ZNF891: variants seen among roughly 807,000 people sequenced by gnomAD.
ZNF891 encodes hCG1646157.
For missense variants in ZNF891, 589 were observed against 632.7 expected (o/e 0.93, Z 0.74); for synonymous variants, 199 against 209.0 (o/e 0.95, Z 0.41).
chr12:133,114,996 T>C lies in ZNF891; in HGVS notation c.*5288A>G, dbSNP rs902936332. The C allele has an allele frequency of 3.9e-5, 6 of 152,212 alleles. No homozygotes were observed. The highest frequency in any genetic ancestry group is 7.3e-5 in the Non-Finnish European group (5 of 68,044). 9.4% of individuals were successfully genotyped at this position (152,212 alleles called of 1,614,324 possible). A position where few individuals can be genotyped will look rare whatever the true frequency, so the allele number is the denominator to read the frequency against. ...GATTGCAGTATTGTTATAAAAACTC[T>C]GGAGGCAAATGGATCAAATACATTA... On this transcript the variant is annotated 3_prime_UTR_variant, in exon 2 of 2. Transcript: ENST00000537226.
In ZNF891 at chr12:133,117,347, T is replaced by A. The variant is rs1043265777; in HGVS notation, c.*2937A>T. ...AGATCTATTCATAAAGAATAAAAAA[T>A]ATATATATTTGGTTAGTAATTAGCA... On this transcript the variant is annotated 3_prime_UTR_variant, in exon 2 of 2. Transcript: ENST00000537226. 2 of 152,202 alleles carry A rather than the reference T, an allele frequency of 1.3e-5. No individual in the cohort carries two copies. The highest frequency in any genetic ancestry group is 6.5e-5 in the Admixed American group (1 of 15,282). The allele number at this position is 152,202 out of a possible 1,614,324, so 9.4% of individuals were successfully genotyped here. A position where few individuals can be genotyped will look rare whatever the true frequency, so the allele number is the denominator to read the frequency against.
At chr12:133,126,259 T>C (rs1001349261) in intron 1 of ZNF891, among the ~76,000 whole-genome samples, 1 of 151,904 alleles carries the variant, frequency 6.6e-6, no homozygotes, top group Non-Finnish European at 1.5e-5. Flanking sequence ...GGGTGGATCA[T>C]GAGGTCAGGA....
intron 1 of ZNF891, among the ~76,000 whole-genome samples, chr12:133,126,496 AT>A (rs1555298093): frequency 2.1e-5 from 3 of 145,572 alleles, no homozygotes; most frequent in Non-Finnish European, 4.5e-5. Context: ...AAAAAAAAAG[AT>A]AAACTTAAGG....
In ZNF891 at chr12:133,109,122, A is replaced by G. The variant is rs2137606532; in HGVS notation, c.*11162T>C. On this transcript the variant is annotated 3_prime_UTR_variant, in exon 2 of 2. Transcript: ENST00000537226. ...CTCTGCTTTAGAGGGAGATGTAACTATCAATGAATTATTATGTTCATTTTT... is the reference window on the plus strand; with the variant it reads ...CTCTGCTTTAGAGGGAGATGTAACTGTCAATGAATTATTATGTTCATTTTT... The G allele has an allele frequency of 6.6e-6, 1 of 152,362 alleles. No homozygotes were observed. The highest frequency in any genetic ancestry group is 1.9e-4 in the East Asian group (1 of 5,180). The allele number at this position is 152,362 out of a possible 1,614,324, so 9.4% of individuals were successfully genotyped here. A position where few individuals can be genotyped will look rare whatever the true frequency, so the allele number is the denominator to read the frequency against.
chr12:133,124,805 A>T (rs1955799226), intron 1 of ZNF891, among the ~76,000 whole-genome samples: 1 of 149,094 alleles, frequency 6.7e-6, no homozygotes, highest in South Asian at 2.2e-4. Flanking sequence ...TTGTTGTTTT[A>T]TATGGGTGTT....
In ZNF891 at chr12:133,108,953, A is replaced by G. The variant is rs1955660389; in HGVS notation, c.*11331T>C. 6.6e-6 allele frequency: 1 copy of G among 152,184 alleles called. No homozygotes were observed. The highest frequency in any genetic ancestry group is 6.5e-5 in the Admixed American group (1 of 15,280). The allele number at this position is 152,184 out of a possible 1,614,324, so 9.4% of individuals were successfully genotyped here. A position where few individuals can be genotyped will look rare whatever the true frequency, so the allele number is the denominator to read the frequency against. On this transcript the variant is annotated 3_prime_UTR_variant, in exon 2 of 2. Transcript: ENST00000537226. ...CATACTGGATGGAATCCAGTGTCCAATCTTTTGGCATCCCTGGGCCACATT... is the reference window on the plus strand; with the variant it reads ...CATACTGGATGGAATCCAGTGTCCAGTCTTTTGGCATCCCTGGGCCACATT...
rs1955863004 is a variant in ZNF891 at position 133,130,253 on chromosome 12, T to C, written c.-133A>G. The C allele has an allele frequency of 1.3e-5, 2 of 152,398 alleles. No individual in the cohort carries two copies. The highest frequency in any genetic ancestry group is 6.5e-5 in the Admixed American group (1 of 15,288). The allele number at this position is 152,398 out of a possible 1,614,324, so 9.4% of individuals were successfully genotyped here. A position where few individuals can be genotyped will look rare whatever the true frequency, so the allele number is the denominator to read the frequency against. On this transcript the variant is annotated 5_prime_UTR_variant, in exon 1 of 2. Transcript: ENST00000537226. Reference sequence around the variant, plus strand: ...CGTCCTCAGTGCCTGCCTCCAGGCGTCCGCGGTCCCGCCCGAGGGGGACGC... The same window carrying C: ...CGTCCTCAGTGCCTGCCTCCAGGCGCCCGCGGTCCCGCCCGAGGGGGACGC...
Position 133,121,999 on chromosome 12 carries a change from G to C in ZNF891, c.-81C>G. On this transcript the variant is annotated 5_prime_UTR_variant, in exon 2 of 2. Coordinates refer to ENST00000537226, the MANE Select transcript of ZNF891 (RefSeq NM_001277291.2). The stretch of plus-strand genomic sequence containing the variant: ...TTGTGTCTCCAATCCAGTCACAGGA[G>C]GGATGCATTTCACCCGAAGTTCTCC... 7.1e-7 allele frequency: 1 copy of C among 1,408,494 alleles called. No individual in the cohort carries two copies. Among genetic ancestry groups the C allele is most frequent in the Non-Finnish European group, 9.2e-7 (1 of 1,084,056 alleles). The allele number at this position is 1,408,494 out of a possible 1,614,324, so 87.2% of individuals were successfully genotyped here.
Position 133,110,712 on chromosome 12 carries a change from G to C in ZNF891, c.*9572C>G, listed in dbSNP as rs947715854. 6.6e-6 allele frequency: 1 copy of C among 152,262 alleles called. No homozygotes were observed. The highest frequency in any genetic ancestry group is 2.1e-4 in the South Asian group (1 of 4,830). 9.4% of individuals were successfully genotyped at this position (152,262 alleles called of 1,614,324 possible). A position where few individuals can be genotyped will look rare whatever the true frequency, so the allele number is the denominator to read the frequency against. Reference sequence around the variant, plus strand: ...ATCCCAGCATGATCCCAGCATGGGAGGCTGAGGCAGGCAGATCACTTGAGG... The same window carrying C: ...ATCCCAGCATGATCCCAGCATGGGACGCTGAGGCAGGCAGATCACTTGAGG... On this transcript the variant is annotated 3_prime_UTR_variant, in exon 2 of 2. Coordinates refer to ENST00000537226, the MANE Select transcript of ZNF891 (RefSeq NM_001277291.2).
In ZNF891 at chr12:133,106,512, C is replaced by T. The variant is rs777125253; in HGVS notation, c.*13772G>A. On this transcript the variant is annotated 3_prime_UTR_variant, in exon 2 of 2. Coordinates refer to ENST00000537226, the MANE Select transcript of ZNF891 (RefSeq NM_001277291.2). The stretch of plus-strand genomic sequence containing the variant: ...CAGAGAACTCATACTGGAGAGAAAC[C>T]CTATGTATGTAAGGTATGCAACAAA... 1 of 1,613,890 alleles carries T rather than the reference C, an allele frequency of 6.2e-7. No homozygotes were observed. The highest frequency in any genetic ancestry group is 8.5e-7 in the Non-Finnish European group (1 of 1,180,004).
In ZNF891 at chr12:133,123,508, C is replaced by T. The variant is rs75141181; in HGVS notation, c.-106-1484G>A. Among the ~76,000 whole-genome samples the T allele has an allele frequency of 3.4e-3, 517 of 152,154 alleles. 2 individuals carry two copies. The highest frequency in any genetic ancestry group is 6.3e-3 in the Non-Finnish European group (427 of 68,002). On this transcript the variant is annotated intron_variant, in intron 1 of 1. Transcript: ENST00000537226. ...GGGAGACCAACGCGGAGGACTGCTA[C>T]CAGACTGGGCAACATGGTGGGACTC...
rs1168690877 is a variant in ZNF891, at chr12:133,108,733, A to C, written c.*11551T>G. The C allele has an allele frequency of 1.3e-5, 2 of 152,342 alleles. No individual in the cohort carries two copies. The highest frequency in any genetic ancestry group is 1.5e-5 in the Non-Finnish European group (1 of 68,036). 9.4% of individuals were successfully genotyped at this position (152,342 alleles called of 1,614,324 possible). On this transcript the variant is annotated 3_prime_UTR_variant, in exon 2 of 2. Coordinates refer to ENST00000537226, the MANE Select transcript of ZNF891 (RefSeq NM_001277291.2). ...ATCTCCAATTAACCAAAGTGATACA[A>C]ACACAGTGATTTGGGAATGCCTTCA...
Position 133,104,782 on chromosome 12 carries a change from G to A in ZNF891, c.*15502C>T, listed in dbSNP as rs1955522602. Reference sequence around the variant, plus strand: ...GGGCTTATATTTGTCAAACACATTTGATATTAAGACACTTTATTTTTCTGT... The same window carrying A: ...GGGCTTATATTTGTCAAACACATTTAATATTAAGACACTTTATTTTTCTGT... On this transcript the variant is annotated 3_prime_UTR_variant, in exon 2 of 2. Coordinates refer to ENST00000537226, the MANE Select transcript of ZNF891 (RefSeq NM_001277291.2). 6.6e-6 allele frequency among the ~76,000 whole-genome samples: 1 copy of A among 152,130 alleles called. No individual in the cohort carries two copies. The highest frequency in any genetic ancestry group is 1.9e-4 in the East Asian group (1 of 5,200).
chr12:133,116,131 G>GTC lies in ZNF891; in HGVS notation c.*4151_*4152dup. 1 of 152,298 alleles carries GTC rather than the reference G, an allele frequency of 6.6e-6. No homozygotes were observed. Among genetic ancestry groups the GTC allele is most frequent in the Admixed American group, 6.5e-5 (1 of 15,302 alleles). The allele number at this position is 152,298 out of a possible 1,614,324, so 9.4% of individuals were successfully genotyped here. On this transcript the variant is annotated 3_prime_UTR_variant, in exon 2 of 2. Coordinates refer to ENST00000537226, the MANE Select transcript of ZNF891 (RefSeq NM_001277291.2). ...GTTGGGACGATTTTCTTGAGACGGA[G>GTC]TCTTGCTCTGTCACCTAGGCCGGAA...
rs1955654788 is a variant in ZNF891 at position 133,108,451 on chromosome 12, A to G, written c.*11833T>C. 6.6e-6 allele frequency: 1 copy of G among 151,990 alleles called. No homozygotes were observed. The highest frequency in any genetic ancestry group is 2.4e-5 in the African/African-American group (1 of 41,372). 9.4% of individuals were successfully genotyped at this position (151,990 alleles called of 1,614,324 possible). A position where few individuals can be genotyped will look rare whatever the true frequency, so the allele number is the denominator to read the frequency against. ...CTGCTCCACATCCACTTTCCTTCCT[A>G]CTGTTTACTCTGTGGGGATGCACCT... On this transcript the variant is annotated 3_prime_UTR_variant, in exon 2 of 2. Transcript: ENST00000537226.
chr12:133,127,111 C>T lies in ZNF891; in HGVS notation c.-107+3116G>A, dbSNP rs1040356130. Among the ~76,000 whole-genome samples the T allele has an allele frequency of 4.6e-5, 7 of 151,336 alleles. No homozygotes were observed. The South Asian group carries it at 6.3e-4, about 14-fold the overall frequency. ...CCGAAGTAGCTGGGATTACAGGCGCCGGCCACCACGCCCGGCTAATTTTCT... is the reference window on the plus strand; with the variant it reads ...CCGAAGTAGCTGGGATTACAGGCGCTGGCCACCACGCCCGGCTAATTTTCT... On this transcript the variant is annotated intron_variant, in intron 1 of 1. Transcript: ENST00000537226.
chr12:133,111,590 TG>T lies in ZNF891; in HGVS notation c.*8693del, dbSNP rs1395689025. On this transcript the variant is annotated 3_prime_UTR_variant, in exon 2 of 2. Transcript: ENST00000537226. ...CAATATCACAAAGGACAAAATTGCA[TG>T]GAAAAAAATGGATATTGCATCAAAA... 1.3e-5 allele frequency: 2 copies of T among 152,098 alleles called. No individual in the cohort carries two copies. The highest frequency in any genetic ancestry group is 4.8e-5 in the African/African-American group (2 of 41,430). The allele number at this position is 152,098 out of a possible 1,614,324, so 9.4% of individuals were successfully genotyped here.
rs1447735573 is a variant in ZNF891 at position 133,108,406 on chromosome 12, T to G, written c.*11878A>C. On this transcript the variant is annotated 3_prime_UTR_variant, in exon 2 of 2. Coordinates refer to ENST00000537226, the MANE Select transcript of ZNF891 (RefSeq NM_001277291.2). Reference sequence around the variant, plus strand: ...TTCATTATTTATTTATTTAAGAGTATACTCAATTTCTCCCATTATCTGCTC... The same window carrying G: ...TTCATTATTTATTTATTTAAGAGTAGACTCAATTTCTCCCATTATCTGCTC... 6.6e-6 allele frequency: 1 copy of G among 152,022 alleles called. No individual in the cohort carries two copies. The highest frequency in any genetic ancestry group is 2.4e-5 in the African/African-American group (1 of 41,402). 9.4% of individuals were successfully genotyped at this position (152,022 alleles called of 1,614,324 possible). A position where few individuals can be genotyped will look rare whatever the true frequency, so the allele number is the denominator to read the frequency against.
chr12:133,108,098 T>TAA lies in ZNF891; in HGVS notation c.*12184_*12185dup, dbSNP rs1481897453. ...CATTTAGAAGCTTCTCAAGTTTCCA[T>TAA]AAGAGTTGTTTCAGAGAGGCTGATT... On this transcript the variant is annotated 3_prime_UTR_variant, in exon 2 of 2. Coordinates refer to ENST00000537226, the MANE Select transcript of ZNF891 (RefSeq NM_001277291.2). 6.6e-6 allele frequency: 1 copy of TAA among 152,154 alleles called. No homozygotes were observed. 9.4% of individuals were successfully genotyped at this position (152,154 alleles called of 1,614,324 possible). A position where few individuals can be genotyped will look rare whatever the true frequency, so the allele number is the denominator to read the frequency against.
Sources: allele counts gnomAD v4.1 joint callset (sites outside exome capture counted in the v4.1 genomes callset), GRCh38; gene constraint gnomAD v4.1.1; transcripts MANE v1.5; gene names NCBI Gene and HGNC (gene_info 2026-07-23, HGNC 2026-07-21).